The following LRRC61 variants were observed in gnomAD, a reference collection of about 807,000 sequenced individuals.
LRRC61 encodes leucine rich repeat containing 61, also known as leucine-rich repeat-containing protein 61.
A neutral mutation model predicts 15.1 loss-of-function variants in LRRC61; 9 were observed. That is an observed-to-expected ratio of 0.60 (90% CI 0.36 to 1.04). The LOEUF is 1.04. LRRC61 is among the 50% of genes least tolerant of loss of function. LRRC61 has a pLI of 0.01. For synonymous variants in LRRC61, 173 were observed against 158.6 expected, an observed-to-expected ratio of 1.09 and a Z score of -0.68; for missense variants, 344 against 335.6, an observed-to-expected ratio of 1.03 and a Z score of -0.20.
chr7:150,329,479 G>C (rs143824199), intron 2 of LRRC61, among the ~76,000 whole-genome samples: 4 of 152,142 alleles, frequency 2.6e-5, no homozygotes, highest in African/African-American at 2.4e-5. Flanking sequence ...GGTCTGCAGC[G>C]GTCCCCCAGC....
At chr7:150,316,419 T>C in the LRRC61 span, among the ~76,000 whole-genome samples, 2 of 152,102 alleles carry the variant, frequency 1.3e-5, no homozygotes, top group East Asian at 1.9e-4. Flanking sequence ...GCCACTACTA[T>C]TCTTTATCTG....
intron 1 of LRRC61, among the ~76,000 whole-genome samples, chr7:150,325,144 C>T (rs1490852417): frequency 1.3e-5 from 2 of 152,210 alleles, no homozygotes; most frequent in Non-Finnish European, 2.9e-5. Context: ...TGTGGAGGCG[C>T]TCTCCATCAT....
chr7:150,316,408 A>G, the LRRC61 span, among the ~76,000 whole-genome samples: 1 of 151,632 alleles, frequency 6.6e-6, no homozygotes, highest in African/African-American at 2.4e-5. Flanking sequence ...ACCAACCCCC[A>G]GCCACTACTA....
upstream of LRRC61, among the ~76,000 whole-genome samples, chr7:150,318,652 C>T (rs1797183846): frequency 6.6e-6 from 1 of 152,160 alleles, no homozygotes; most frequent in Admixed American, 6.5e-5. Flanking sequence ...GTTCCAGTTA[C>T]TCGGGAGGCT....
intron 1 of LRRC61, among the ~76,000 whole-genome samples, chr7:150,324,079 A>G (rs902785730): frequency 6.6e-6 from 1 of 152,248 alleles, no homozygotes; most frequent in Admixed American, 6.5e-5. Flanking sequence ...ACCCCAAAAC[A>G]TGCAATGGCT....
chr7:150,338,139 CTTCTGTT>C lies in LRRC61; in HGVS notation c.*502_*508del. 1.4e-6 allele frequency: 1 copy of C among 732,814 alleles called. No individual in the cohort carries two copies. Among genetic ancestry groups the C allele is most frequent in the Non-Finnish European group, 2.0e-6 (1 of 502,544 alleles). 45.4% of individuals were successfully genotyped at this position (732,814 alleles called of 1,614,324 possible). ...TTCTTGTCCACACATCTATTAAATGCTTCTGTTTTCATTTGCATCCCTGCCTGGCATT... is the reference window on the plus strand; with the variant it reads ...TTCTTGTCCACACATCTATTAAATGCTTCATTTGCATCCCTGCCTGGCATT... On this transcript the variant is annotated 3_prime_UTR_variant, in exon 3 of 3. Coordinates refer to ENST00000359623, the MANE Select transcript of LRRC61 (RefSeq NM_001142928.2).
chr7:150,328,877 T>C (rs10952250), intron 2 of LRRC61: 46,509 of 152,084 alleles, frequency 0.31, 7,591 homozygotes, highest in East Asian at 0.42. Flanking sequence ...CTGTTGTGGA[T>C]GGTAGGCCTA....
Position 150,337,119 on chromosome 7 carries a change from G to GCTCCAA in LRRC61, c.260_261insCCAACT (p.Leu87_Thr88insGlnLeu), listed in dbSNP as rs1798325791. The stretch of plus-strand genomic sequence containing the variant: ...CTGTGCTCAATGTCTCCAACAATCG[G>GCTCCAA]CTGACGGGCCTGGAGCCACTGGCCA... On this transcript the variant is annotated inframe_insertion, in exon 3 of 3. Coordinates refer to ENST00000359623, the MANE Select transcript of LRRC61 (RefSeq NM_001142928.2). The GCTCCAA allele has an allele frequency of 6.2e-7, 1 of 1,612,114 alleles. No individual in the cohort carries two copies. Among genetic ancestry groups the GCTCCAA allele is most frequent in the African/African-American group, 1.3e-5 (1 of 75,064 alleles).
intron 2 of LRRC61, chr7:150,331,149 TGTA>T (rs748476106): frequency 6.4e-7 from 1 of 1,563,844 alleles, no homozygotes; most frequent in African/African-American, 1.4e-5. Flanking sequence ...GCCCCACCCT[TGTA>T]GAGCAAAACT....
At chr7:150,317,386 A>C in the LRRC61 span, among the ~76,000 whole-genome samples, 1 of 152,260 alleles carries the variant, frequency 6.6e-6, no homozygotes, top group South Asian at 2.1e-4. Flanking sequence ...GGTTGTTTGC[A>C]TAGATGGCGG....
At chr7:150,321,480 C>T (rs1585029020), upstream of LRRC61, among the ~76,000 whole-genome samples, 1 of 152,188 alleles carries the variant, frequency 6.6e-6, no homozygotes, top group Non-Finnish European at 1.5e-5. Flanking sequence ...TGGCACACAC[C>T]TGCAATCCCA....
chr7:150,336,668 C>T (rs866112093), intron 2 of LRRC61, 50 bp from the exon 3 acceptor site: 2 of 680,950 alleles, frequency 2.9e-6, no homozygotes, highest in African/African-American at 3.6e-5. Flanking sequence ...CCGTCACCTG[C>T]TGCGTAAGAC....
chr7:150,326,341 C>G (rs184181407), intron 2 of LRRC61, among the ~76,000 whole-genome samples: 1 of 152,258 alleles, frequency 6.6e-6, no homozygotes. Flanking sequence ...AATTGGGAAA[C>G]AGAACAAGAT....
At chr7:150,334,185 A>G in intron 2 of LRRC61, 1 of 909,388 alleles carries the variant, frequency 1.1e-6, no homozygotes, top group Non-Finnish European at 1.3e-6. Context: ...CCACTGACCC[A>G]GTTCCTCAGG....
At chr7:150,316,938 T>C in the LRRC61 span, among the ~76,000 whole-genome samples, 1 of 152,352 alleles carries the variant, frequency 6.6e-6, no homozygotes, top group Non-Finnish European at 1.5e-5. Context: ...TTCTTTTTGT[T>C]GTCTTTAGTG....
chr7:150,330,350 G>A lies in LRRC61; in HGVS notation c.-145+4340G>A, dbSNP rs75378017. On this transcript the variant is annotated intron_variant, in intron 2 of 2. Coordinates refer to ENST00000359623, the MANE Select transcript of LRRC61 (RefSeq NM_001142928.2). The surrounding 1 kb of genome is among the most constrained non-coding windows in gnomAD (Gnocchi z 4.6). ...TGGGGAAGGCTGGTGTTGCCTTGTC[G>A]GCCACATTCTGGAGCCCGGCAGACA... is the stretch of plus-strand genomic sequence containing the variant. The A allele has an allele frequency of 2.0e-5, 15 of 752,420 alleles. No homozygotes were observed. Among genetic ancestry groups the A allele is most frequent in the Middle Eastern group, 3.5e-4 (1 of 2,898 alleles). 46.6% of individuals were successfully genotyped at this position (752,420 alleles called of 1,614,324 possible). A position where few individuals can be genotyped will look rare whatever the true frequency, so the allele number is the denominator to read the frequency against.
the LRRC61 span, among the ~76,000 whole-genome samples, chr7:150,313,975 G>C: frequency 1.2e-4 from 19 of 152,324 alleles, no homozygotes; most frequent in Middle Eastern, 3.4e-3. Flanking sequence ...TGAACAACTC[G>C]AGGCAGAGGC....
At chr7:150,315,560 C>A in the LRRC61 span, among the ~76,000 whole-genome samples, 1 of 152,126 alleles carries the variant, frequency 6.6e-6, no homozygotes, top group Non-Finnish European at 1.5e-5. Context: ...TGTTAGCATT[C>A]AACATATTTT....
chr7:150,317,003 C>G, the LRRC61 span, among the ~76,000 whole-genome samples: 1 of 152,060 alleles, frequency 6.6e-6, no homozygotes, highest in African/African-American at 2.4e-5. Flanking sequence ...TTCTGCTAAG[C>G]ATTTTCCTTG....
Sources: allele counts gnomAD v4.1 joint callset (sites outside exome capture counted in the v4.1 genomes callset), GRCh38; gene constraint gnomAD v4.1.1; non-coding constraint Gnocchi (gnomAD v3.1); transcripts MANE v1.5; gene names NCBI Gene and HGNC (gene_info 2026-07-23, HGNC 2026-07-21).